ELMO1: variants seen among roughly 807,000 people sequenced by gnomAD.
ELMO1 encodes engulfment and cell motility protein 1.
A neutral mutation model predicts 98.9 loss-of-function variants in ELMO1; 26 were observed. The observed-to-expected ratio is 0.26, with a 90% CI of 0.19 to 0.36. The LOEUF (loss-of-function observed/expected upper bound fraction) is 0.36, where lower values mean the gene tolerates loss of function less well. Among genes scored for constraint, ELMO1 ranks in the 10% least tolerant of loss-of-function variants. The pLI is 1.00. For missense variants in ELMO1, 627 were observed against 935.2 expected, an observed-to-expected ratio of 0.67 and a Z score of 4.30; for synonymous variants, 346 against 346.0, an observed-to-expected ratio of 1.00 and a Z score of 0.00.
chr7:36,970,871 C>T (rs995694664), intron 16 of ELMO1, among the ~76,000 whole-genome samples: 2 of 152,270 alleles, frequency 1.3e-5, no homozygotes, highest in African/African-American at 4.8e-5. Context: ...AGAAGAACAT[C>T]GACGCACAGG....
rs139211866 is a variant in ELMO1, at chr7:36,921,690, C to T, written c.1438-26673G>A. ...GCATTCTCTAGAACTCCTCGTTTTC[C>T]GCACAGAAAAGCTCCCAAAATGCTC... is the stretch of plus-strand genomic sequence containing the variant. On this transcript the variant is annotated intron_variant, in intron 16 of 21. Coordinates refer to ENST00000310758, the MANE Select transcript of ELMO1 (RefSeq NM_014800.11). Among the ~76,000 whole-genome samples, 149 of 152,258 alleles carry T rather than the reference C, an allele frequency of 9.8e-4. 2 individuals carry two copies. Among genetic ancestry groups the T allele is most frequent in the African/African-American group, 3.3e-3 (137 of 41,538 alleles).
At chr7:37,333,038 G>A (rs149728069) in intron 2 of ELMO1, among the ~76,000 whole-genome samples, 242 of 152,296 alleles carry the variant, frequency 1.6e-3, no homozygotes, top group Non-Finnish European at 2.7e-3. Flanking sequence ...GGGGATGGGG[G>A]TTAAGCATGA....
intron 14 of ELMO1, among the ~76,000 whole-genome samples, chr7:37,126,473 G>A (rs1786532611): frequency 6.6e-6 from 1 of 151,904 alleles, no homozygotes; most frequent in Non-Finnish European, 1.5e-5. Context: ...TTAGGTCACT[G>A]GGAAAGGGGG....
At chr7:37,192,797 CA>C (rs35594398) in intron 13 of ELMO1, among the ~76,000 whole-genome samples, 21,287 of 111,148 alleles carry the variant, frequency 0.19, 1,565 homozygotes, top group African/African-American at 0.29. Flanking sequence ...GACTCTGTCT[CA>C]AAAAAAAAAA....
rs565677191 is a variant in ELMO1 at position 37,086,235 on chromosome 7, T to A, written c.1300+10384A>T. Among the ~76,000 whole-genome samples, 9 of 152,314 alleles carry A rather than the reference T, an allele frequency of 5.9e-5. No homozygotes were observed. In the East Asian group the frequency reaches 1.5e-3, roughly 26 times the overall value. On this transcript the variant is annotated intron_variant, in intron 15 of 21. Coordinates refer to ENST00000310758, the MANE Select transcript of ELMO1 (RefSeq NM_014800.11). ...AGACACAAGAGGCCGGAGTTAGAAC[T>A]GATTTTAAATACTTCTATTTTGAAT...
At chr7:37,201,488 T>C (rs1388700702) in intron 13 of ELMO1, among the ~76,000 whole-genome samples, 1 of 152,212 alleles carries the variant, frequency 6.6e-6, no homozygotes, top group Non-Finnish European at 1.5e-5. Flanking sequence ...ACTCAGGTCC[T>C]GGGAAAAAGC....
chr7:37,283,096 C>G (rs1268254242), intron 4 of ELMO1, among the ~76,000 whole-genome samples: 1 of 152,106 alleles, frequency 6.6e-6, no homozygotes, highest in East Asian at 1.9e-4. Context: ...AAGGAGCAGA[C>G]AGAGATGGGT....
At chr7:37,192,968 GAGATATATATATATATATATATAT>G (rs1451896368) in intron 13 of ELMO1, among the ~76,000 whole-genome samples, 3 of 94,228 alleles carry the variant, frequency 3.2e-5, no homozygotes, top group Non-Finnish European at 6.0e-5. Flanking sequence ...ATATATATAG[GAGATATATATATATATATATATAT>G]ATATATATAT....
At chr7:37,251,579 C>T (rs1360286914) in intron 6 of ELMO1, among the ~76,000 whole-genome samples, 1 of 152,104 alleles carries the variant, frequency 6.6e-6, no homozygotes, top group African/African-American at 2.4e-5. Context: ...TTATGAAGAT[C>T]TCAAAATAAT....
At chr7:37,267,351 T>C (rs983769824) in intron 5 of ELMO1, among the ~76,000 whole-genome samples, 3 of 152,210 alleles carry the variant, frequency 2.0e-5, no homozygotes, top group Non-Finnish European at 4.4e-5. Flanking sequence ...AAAAATTACC[T>C]ACTGCACTTA....
At chr7:36,951,552 T>C (rs895271647) in intron 16 of ELMO1, among the ~76,000 whole-genome samples, 1 of 152,190 alleles carries the variant, frequency 6.6e-6, no homozygotes, top group African/African-American at 2.4e-5. Context: ...AAACACAGAC[T>C]GCTGGGGGAG....
intron 16 of ELMO1, among the ~76,000 whole-genome samples, chr7:37,000,348 C>A (rs936054120): frequency 6.6e-6 from 1 of 152,138 alleles, no homozygotes; most frequent in Non-Finnish European, 1.5e-5. Flanking sequence ...GCAGCTCAAG[C>A]GGCAAAAAGC....
intron 16 of ELMO1, among the ~76,000 whole-genome samples, chr7:36,968,453 T>C (rs1236068564): frequency 6.6e-6 from 1 of 152,188 alleles, no homozygotes. Flanking sequence ...ATCCCAAATA[T>C]ATTATTCACA....
chr7:37,288,952 G>A (rs890323724), intron 4 of ELMO1, among the ~76,000 whole-genome samples: 5 of 152,086 alleles, frequency 3.3e-5, no homozygotes, highest in Admixed American at 6.5e-5. Flanking sequence ...TCTTTTTTGG[G>A]GGCTGTCCTA....
intron 18 of ELMO1, among the ~76,000 whole-genome samples, chr7:36,885,545 CA>C (rs2129049764): frequency 6.6e-6 from 1 of 152,268 alleles, no homozygotes; most frequent in South Asian, 2.1e-4. Flanking sequence ...TTCCCATCCC[CA>C]AAACTTCTGT....
intron 13 of ELMO1, among the ~76,000 whole-genome samples, chr7:37,183,942 T>C (rs980459762): frequency 6.6e-6 from 1 of 152,220 alleles, no homozygotes; most frequent in Non-Finnish European, 1.5e-5. Flanking sequence ...AGAATTTCCA[T>C]TTGGTTGCTT....
intron 1 of ELMO1, among the ~76,000 whole-genome samples, chr7:37,360,062 G>T (rs1345981870): frequency 6.6e-6 from 1 of 152,090 alleles, no homozygotes; most frequent in Admixed American, 6.6e-5. Flanking sequence ...TGGTAAAACG[G>T]GGATCTTTTC....
At chr7:37,192,222 T>C (rs1791627779) in intron 13 of ELMO1, among the ~76,000 whole-genome samples, 1 of 151,548 alleles carries the variant, frequency 6.6e-6, no homozygotes, top group African/African-American at 2.4e-5. Flanking sequence ...CAGGGCCAGG[T>C]GTGGTTGCTC....
chr7:37,286,133 A>C (rs182974008), intron 4 of ELMO1, among the ~76,000 whole-genome samples: 1 of 152,212 alleles, frequency 6.6e-6, no homozygotes, highest in Non-Finnish European at 1.5e-5. Flanking sequence ...TACTAACTCC[A>C]TGGCCCATTC....
Sources: gnomAD v4.1 joint callset for allele counts (sites outside exome capture counted in the v4.1 genomes callset) on GRCh38, gnomAD v4.1.1 for gene constraint, MANE v1.5 for transcripts, NCBI Gene and HGNC (gene_info 2026-07-23, HGNC 2026-07-21) for gene names.